The following PITPNM3 variants were observed in gnomAD, a reference collection of about 807,000 sequenced individuals.
PITPNM3 encodes the protein PITPNM family member 3, also known as membrane-associated phosphatidylinositol transfer protein 3.
PITPNM3 carries 26 observed loss-of-function variants against 102.0 expected under a neutral mutation model. The observed-to-expected ratio is 0.25, with a 90% CI of 0.19 to 0.35. The LOEUF (loss-of-function observed/expected upper bound fraction) is 0.35, where lower values mean the gene tolerates loss of function less well. PITPNM3 is among the 10% of genes least tolerant of loss of function. PITPNM3 has a pLI of 1.00. For missense variants in PITPNM3, 1,083 were observed against 1,346.1 expected, an observed-to-expected ratio of 0.80 and a Z score of 3.06; for synonymous variants, 578 against 558.6, an observed-to-expected ratio of 1.03 and a Z score of -0.49.
At chr17:6,464,107 G>A in intron 16 of PITPNM3, 63 bp downstream of exon 16, 1 of 1,610,924 alleles carries the variant, frequency 6.2e-7, no homozygotes, top group Non-Finnish European at 8.5e-7. Flanking sequence ...CCTCTAGACA[G>A]GCCTGGCTGG....
In PITPNM3 at chr17:6,556,236, G is replaced by A. The variant is rs1910601892; in HGVS notation, c.22+149C>T. ...CGCGCGGAGCCCCCTCTCCACGCGCGGGAGGTCCAGCCCCGCTACCGCCCC... is the reference window on the plus strand; with the variant it reads ...CGCGCGGAGCCCCCTCTCCACGCGCAGGAGGTCCAGCCCCGCTACCGCCCC... On this transcript the variant is annotated intron_variant, in intron 1 of 19. Coordinates refer to ENST00000262483, the MANE Select transcript of PITPNM3 (RefSeq NM_031220.4). This position sits in a 1 kb window ranked among gnomAD's most constrained non-coding sequence, Gnocchi z 5.2. The A allele has an allele frequency of 4.1e-6, 2 of 487,168 alleles. No individual in the cohort carries two copies. Among genetic ancestry groups the A allele is most frequent in the South Asian group, 5.0e-5 (1 of 20,100 alleles). The allele number at this position is 487,168 out of a possible 1,614,324, so 30.2% of individuals were successfully genotyped here.
Position 6,459,335 on chromosome 17 carries a change from G to A in PITPNM3, c.2491-1613C>T, listed in dbSNP as rs779662258. The stretch of plus-strand genomic sequence containing the variant: ...TATCTCCTTGAAGCCCTCTCCTCCC[G>A]ATACCTGGAGTCTCGTCTCTCTCTC... On this transcript the variant is annotated intron_variant, in intron 18 of 19. Coordinates refer to ENST00000262483, the MANE Select transcript of PITPNM3 (RefSeq NM_031220.4). This position sits in a 1 kb window ranked among gnomAD's most constrained non-coding sequence, Gnocchi z 5.0. Among the ~76,000 whole-genome samples the A allele has an allele frequency of 5.3e-5, 8 of 151,914 alleles. No individual in the cohort carries two copies. The highest frequency in any genetic ancestry group is 7.4e-5 in the Non-Finnish European group (5 of 67,978).
chr17:6,541,267 A>G lies in PITPNM3; in HGVS notation c.23-3185T>C, dbSNP rs147886130. Among the ~76,000 whole-genome samples the G allele has an allele frequency of 2.6e-3, 365 of 139,634 alleles. 1 individual carries two copies. Among genetic ancestry groups the G allele is most frequent in the African/African-American group, 9.6e-3 (353 of 36,696 alleles). 91.6% of individuals were successfully genotyped at this position (139,634 alleles called of 152,430 possible). A position where few individuals can be genotyped will look rare whatever the true frequency, so the allele number is the denominator to read the frequency against. The stretch of plus-strand genomic sequence containing the variant: ...GGCAAGCAGAGGCCTGAATAATAAG[A>G]AAACCCAGATATGCTAAGAGTGTGT... On this transcript the variant is annotated intron_variant, in intron 1 of 19. Transcript: ENST00000262483.
intron 1 of PITPNM3, 99 bp from the exon 2 acceptor site, chr17:6,538,181 C>G (rs1313507874): frequency 1.1e-5 from 9 of 828,216 alleles, no homozygotes; most frequent in African/African-American, 1.7e-5. Context: ...AGTTAGCATC[C>G]TGCACATCTG....
At position 6,556,191 on chromosome 17, in the gene PITPNM3, G is replaced by C. The variant is rs902334652; in HGVS notation, c.22+194C>G. Among the ~76,000 whole-genome samples the C allele has an allele frequency of 6.6e-6, 1 of 151,932 alleles. No homozygotes were observed. Among genetic ancestry groups the C allele is most frequent in the South Asian group, 2.1e-4 (1 of 4,836 alleles). ...CGCGGTGTCCCCCGAGGTGACCGGGGGCGCAGGAAGGACGGGGGGCGCGCG... is the reference window on the plus strand; with the variant it reads ...CGCGGTGTCCCCCGAGGTGACCGGGCGCGCAGGAAGGACGGGGGGCGCGCG... On this transcript the variant is annotated intron_variant, in intron 1 of 19. Transcript: ENST00000262483. The surrounding 1 kb of genome is among the most constrained non-coding windows in gnomAD (Gnocchi z 5.2).
chr17:6,459,922 CTT>C lies in PITPNM3; in HGVS notation c.2490+1449_2490+1450del, dbSNP rs1189674888. 6.6e-6 allele frequency among the ~76,000 whole-genome samples: 1 copy of C among 152,102 alleles called. No homozygotes were observed. The highest frequency in any genetic ancestry group is 1.5e-5 in the Non-Finnish European group (1 of 68,034). On this transcript the variant is annotated intron_variant, in intron 18 of 19. Coordinates refer to ENST00000262483, the MANE Select transcript of PITPNM3 (RefSeq NM_031220.4). The surrounding 1 kb of genome is among the most constrained non-coding windows in gnomAD (Gnocchi z 5.0). ...ATCGCCTGGATTATGGTCTTCCTGT[CTT>C]TTGCTTGGGCAACAGCCCCCTAACT...
At chr17:6,546,388 T>C (rs1910021626) in intron 1 of PITPNM3, among the ~76,000 whole-genome samples, 2 of 152,224 alleles carry the variant, frequency 1.3e-5, no homozygotes, top group African/African-American at 4.8e-5. Context: ...CCATCGGTAA[T>C]GCACTTAAAG....
At chr17:6,463,457 A>AGGAGGGAGGGAGG (rs1201326995) in intron 17 of PITPNM3, among the ~76,000 whole-genome samples, 1 of 150,520 alleles carries the variant, frequency 6.6e-6, no homozygotes, top group African/African-American at 2.5e-5. Context: ...CAGGGAGGGA[A>AGGAGGGAGGGAGG]GAAGGAAAAA....
chr17:6,468,178 C>T lies in PITPNM3; in HGVS notation c.1890+47G>A. The T allele has an allele frequency of 6.3e-7, 1 of 1,586,112 alleles. No homozygotes were observed. The highest frequency in any genetic ancestry group is 1.3e-5 in the African/African-American group (1 of 74,452). Reference sequence around the variant, plus strand: ...CCCAGCCCCCGGGCCAGCCCCACCTCCCGGAGGACACAGTCCCAGCCACAT... The same window carrying T: ...CCCAGCCCCCGGGCCAGCCCCACCTTCCGGAGGACACAGTCCCAGCCACAT... On this transcript the variant is annotated intron_variant, in intron 14 of 19. Coordinates refer to ENST00000262483, the MANE Select transcript of PITPNM3 (RefSeq NM_031220.4). This position sits in a 1 kb window ranked among gnomAD's most constrained non-coding sequence, Gnocchi z 5.2.
At chr17:6,491,520 C>T (rs1438290634) in intron 4 of PITPNM3, among the ~76,000 whole-genome samples, 1 of 152,138 alleles carries the variant, frequency 6.6e-6, no homozygotes, top group Non-Finnish European at 1.5e-5. Context: ...TGGATCGGCT[C>T]TGGCTGAAGC....
In PITPNM3 at chr17:6,483,636, G is replaced by A. The variant is rs1170609456; in HGVS notation, c.468C>T (p.Thr156=). ...TGACCTTCTCCAGCACGGAGCTGAA[G>A]GTGTGGATGTCGGCTGCCTTGCAGG... ...DPSCKAADIH[T]FSSVLEKVTR... The change falls in exon 6 of 20, where the codon ACC becomes ACT. Residue 156 remains threonine (T), a synonymous_variant. Coordinates refer to ENST00000262483, the MANE Select transcript of PITPNM3 (RefSeq NM_031220.4). The A allele has an allele frequency of 1.2e-6, 2 of 1,614,138 alleles. No homozygotes were observed. Among genetic ancestry groups the A allele is most frequent in the East Asian group, 2.2e-5 (1 of 44,860 alleles).
At chr17:6,489,161 C>T (rs1445252271) in intron 4 of PITPNM3, among the ~76,000 whole-genome samples, 3 of 152,198 alleles carry the variant, frequency 2.0e-5, no homozygotes, top group Non-Finnish European at 4.4e-5. Context: ...AGGTCATCAC[C>T]CACACACTCA....
intron 1 of PITPNM3, among the ~76,000 whole-genome samples, chr17:6,549,514 CT>C (rs1429561522): frequency 6.6e-6 from 1 of 152,172 alleles, no homozygotes; most frequent in African/African-American, 2.4e-5. Flanking sequence ...CTTCTGCCCC[CT>C]GTCTACCCTT....
Position 6,469,040 on chromosome 17 carries a change from C to T in PITPNM3, c.1774-699G>A. ...CTATCTCAGGGGTCCTCTCCCTACACTCTCTGGGTCCTCCAACCTCAGGGA... is the reference window on the plus strand; with the variant it reads ...CTATCTCAGGGGTCCTCTCCCTACATTCTCTGGGTCCTCCAACCTCAGGGA... On this transcript the variant is annotated intron_variant, in intron 13 of 19. Transcript: ENST00000262483. This position sits in a 1 kb window ranked among gnomAD's most constrained non-coding sequence, Gnocchi z 4.0. 6.6e-6 allele frequency among the ~76,000 whole-genome samples: 1 copy of T among 152,162 alleles called. No homozygotes were observed. The highest frequency in any genetic ancestry group is 1.9e-4 in the East Asian group (1 of 5,180).
rs1914151993 is a variant in PITPNM3, at chr17:6,457,136, T to C, written c.2619+458A>G. On this transcript the variant is annotated intron_variant, in intron 19 of 19. Coordinates refer to ENST00000262483, the MANE Select transcript of PITPNM3 (RefSeq NM_031220.4). This position sits in a 1 kb window ranked among gnomAD's most constrained non-coding sequence, Gnocchi z 4.7. ...TGAGTCACTGGCAGTTCCCAGAATA[T>C]ACATGTTCTGTGTCACCTCCTGACC... 6.6e-6 allele frequency among the ~76,000 whole-genome samples: 1 copy of C among 151,826 alleles called. No individual in the cohort carries two copies. The highest frequency in any genetic ancestry group is 2.4e-5 in the African/African-American group (1 of 41,344).
chr17:6,477,297 A>T (rs117596815), intron 8 of PITPNM3, 84 bp from the exon 9 acceptor site: 13 of 1,397,632 alleles, frequency 9.3e-6, no homozygotes, highest in Non-Finnish European at 1.2e-5. Flanking sequence ...CCCAAGCACA[A>T]ACCAACCCCT....
rs1202446427 is a variant in PITPNM3, at chr17:6,469,511, A to C, written c.1773+749T>G. ...GACACAGAACCACCTTAGTCACTCAAGTGGGAAACAGGACGTACTGGGCTC... is the reference window on the plus strand; with the variant it reads ...GACACAGAACCACCTTAGTCACTCACGTGGGAAACAGGACGTACTGGGCTC... On this transcript the variant is annotated intron_variant, in intron 13 of 19. Coordinates refer to ENST00000262483, the MANE Select transcript of PITPNM3 (RefSeq NM_031220.4). The surrounding 1 kb of genome is among the most constrained non-coding windows in gnomAD (Gnocchi z 4.0). Among the ~76,000 whole-genome samples, 2 of 152,050 alleles carry C rather than the reference A, an allele frequency of 1.3e-5. No homozygotes were observed. Among genetic ancestry groups the C allele is most frequent in the African/African-American group, 4.8e-5 (2 of 41,388 alleles).
At chr17:6,543,826 G>T (rs1223647393) in intron 1 of PITPNM3, among the ~76,000 whole-genome samples, 1 of 152,198 alleles carries the variant, frequency 6.6e-6, no homozygotes, top group Non-Finnish European at 1.5e-5. Flanking sequence ...GTTTCCGGGG[G>T]AGGGGAAGCC....
At position 6,472,711 on chromosome 17, in the gene PITPNM3, T is replaced by C. The variant is rs1462698526; in HGVS notation, c.1375A>G (p.Ser459Gly). Residue 459 changes from serine to glycine, a missense_variant, in exon 11 of 20, where the codon AGC becomes GGC. By Grantham distance (56) the Ser-to-Gly change is moderately conservative. Around this residue, in one of 5 missense-constraint regions of PITPNM3, gnomAD observed 410 missense variants for 638.4 expected, o/e 0.64. Transcript: ENST00000262483. This position sits in a 1 kb window ranked among gnomAD's most constrained non-coding sequence, Gnocchi z 4.1. Reference protein sequence around the residue: ...EPKFHLVPPVSVPRYQRFPLG... With the variant: ...EPKFHLVPPVGVPRYQRFPLG... ...GGGAACCTCTGGTAGCGAGGCACGC[T>C]GACAGGCGGCACCAGGTGGAACTTG... 2 of 1,613,902 alleles carry C rather than the reference T, an allele frequency of 1.2e-6. No homozygotes were observed. The highest frequency in any genetic ancestry group is 2.2e-5 in the East Asian group (1 of 44,882).
Sources: allele counts gnomAD v4.1 joint callset (sites outside exome capture counted in the v4.1 genomes callset), GRCh38; gene constraint gnomAD v4.1.1; regional missense constraint gnomAD v4.1.1; non-coding constraint Gnocchi (gnomAD v3.1); transcripts MANE v1.5; gene names NCBI Gene and HGNC (gene_info 2026-07-23, HGNC 2026-07-21).